The following MITF variants were observed in gnomAD, a reference collection of about 807,000 sequenced individuals.
MITF encodes the protein microphthalmia-associated transcription factor.
MITF carries 17 observed loss-of-function variants against 60.5 expected under a neutral mutation model. The ratio of observed to expected loss-of-function variants is 0.28; its 90% confidence interval spans 0.19 to 0.42. The LOEUF (loss-of-function observed/expected upper bound fraction) is 0.42, where lower values mean the gene tolerates loss of function less well. Ranked by LOEUF, MITF falls within the 10% of genes least tolerant of loss-of-function variation. MITF has a pLI of 1.00. For missense variants in MITF, 622 were observed against 683.5 expected, an observed-to-expected ratio of 0.91 and a Z score of 1.00; for synonymous variants, 260 against 248.5, an observed-to-expected ratio of 1.05 and a Z score of -0.43.
In MITF at chr3:69,807,847, A is replaced by T. The variant is rs555253490; in HGVS notation, c.104+68146A>T. ...GCATAGTTGGTAACTAAGCTTCGTG[A>T]TTGCAAATGCCAGAGACTGTTAAGA... On this transcript the variant is annotated intron_variant, in intron 1 of 9. Coordinates refer to ENST00000352241, the MANE Select transcript of MITF (RefSeq NM_001354604.2). Among the ~76,000 whole-genome samples, 15 of 152,222 alleles carry T rather than the reference A, an allele frequency of 9.9e-5. No homozygotes were observed. In the South Asian group the frequency reaches 2.5e-3, roughly 25 times the overall value.
chr3:69,857,116 T>C (rs62253177), intron 1 of MITF, among the ~76,000 whole-genome samples: 21,563 of 152,070 alleles, frequency 0.14, 1,693 homozygotes, highest in Non-Finnish European at 0.18. Flanking sequence ...TAAACAGACA[T>C]GGTTCATGCC....
chr3:69,742,233 A>T (rs1703551839), intron 1 of MITF, among the ~76,000 whole-genome samples: 1 of 152,084 alleles, frequency 6.6e-6, no homozygotes, highest in South Asian at 2.1e-4. Flanking sequence ...CAGTGTCTGG[A>T]GACATTTGTG....
At chr3:69,950,601 A>C (rs932204117) in intron 6 of MITF, among the ~76,000 whole-genome samples, 112 of 145,478 alleles carry the variant, frequency 7.7e-4, no homozygotes, top group African/African-American at 2.8e-3. Flanking sequence ...CATATATAAC[A>C]CCCATATAAT....
chr3:69,808,166 T>A (rs7650137), intron 1 of MITF, among the ~76,000 whole-genome samples: 1 of 148,682 alleles, frequency 6.7e-6, no homozygotes, highest in South Asian at 2.1e-4. Context: ...TAGAGTGTTC[T>A]GTTACAAGAT....
At chr3:69,910,466 G>C (rs1442051247) in intron 2 of MITF, among the ~76,000 whole-genome samples, 1 of 152,106 alleles carries the variant, frequency 6.6e-6, no homozygotes, top group Non-Finnish European at 1.5e-5. Context: ...ACCCCAGAAT[G>C]GTAGATCCAC....
intron 1 of MITF, among the ~76,000 whole-genome samples, chr3:69,813,947 ATAT>A (rs1385455598): frequency 3.3e-5 from 5 of 152,146 alleles, no homozygotes; most frequent in African/African-American, 1.2e-4. Flanking sequence ...TCCCTGGAAG[ATAT>A]TAGATGCCTA....
intron 1 of MITF, among the ~76,000 whole-genome samples, chr3:69,789,803 TGGAGATC>T (rs2062710024): frequency 6.6e-6 from 1 of 152,050 alleles, no homozygotes. Flanking sequence ...CTGCAATGAA[TGGAGATC>T]GCACCACTGC....
chr3:69,739,503 G>A lies in MITF; in HGVS notation c.-95G>A. On this transcript the variant is annotated 5_prime_UTR_variant, in exon 1 of 10. Transcript: ENST00000352241. ...GGGCAGAGCTCGGCACTGCGCCGGG[G>A]CGCACGGCTCGGGGGACCCAGGCCC... is the stretch of plus-strand genomic sequence containing the variant. 8.5e-7 allele frequency: 1 copy of A among 1,182,822 alleles called. No homozygotes were observed. Among genetic ancestry groups the A allele is most frequent in the Non-Finnish European group, 1.2e-6 (1 of 814,644 alleles). The allele number at this position is 1,182,822 out of a possible 1,614,324, so 73.3% of individuals were successfully genotyped here.
intron 2 of MITF, among the ~76,000 whole-genome samples, chr3:69,893,454 G>C (rs969459113): frequency 6.6e-6 from 1 of 152,030 alleles, no homozygotes; most frequent in Non-Finnish European, 1.5e-5. Flanking sequence ...AGATAATAAA[G>C]GTCCCTAGCT....
chr3:69,835,174 C>T lies in MITF; in HGVS notation c.105-43960C>T, dbSNP rs370417669. 1.2e-4 allele frequency among the ~76,000 whole-genome samples: 18 copies of T among 152,030 alleles called. 1 individual carries two copies. The highest frequency in any genetic ancestry group is 2.2e-4 in the African/African-American group (9 of 41,460). On this transcript the variant is annotated intron_variant, in intron 1 of 9. Transcript: ENST00000352241. ...CTGGGACTATAGGAGCATGCCACCACGCCTGGCTGATTTTTGTAGTTTTTG... is the reference window on the plus strand; with the variant it reads ...CTGGGACTATAGGAGCATGCCACCATGCCTGGCTGATTTTTGTAGTTTTTG...
Position 69,967,227 on chromosome 3 carries a change from T to G in MITF, c.*1979T>G, listed in dbSNP as rs1576075722. 1.3e-5 allele frequency: 3 copies of G among 232,274 alleles called. No individual in the cohort carries two copies. In the East Asian group the frequency reaches 1.8e-4, roughly 14 times the overall value. 14.4% of individuals were successfully genotyped at this position (232,274 alleles called of 1,614,324 possible). On this transcript the variant is annotated 3_prime_UTR_variant, in exon 10 of 10. Coordinates refer to ENST00000352241, the MANE Select transcript of MITF (RefSeq NM_001354604.2). ...GGAAACATTGGTGATGCTATCAGTT[T>G]TATAGCTTTATTTCTTAAGGGGGTA...
chr3:69,926,992 A>G (rs2065606467), intron 2 of MITF, among the ~76,000 whole-genome samples: 1 of 152,166 alleles, frequency 6.6e-6, no homozygotes, highest in Non-Finnish European at 1.5e-5. Context: ...ATTCTCATGG[A>G]ATGTCTAGCT....
At chr3:69,837,783 A>G (rs1031634895) in intron 1 of MITF, among the ~76,000 whole-genome samples, 1 of 152,168 alleles carries the variant, frequency 6.6e-6, no homozygotes, top group Non-Finnish European at 1.5e-5. Flanking sequence ...CCCGGCAGAA[A>G]TATTAATGTA....
intron 7 of MITF, among the ~76,000 whole-genome samples, chr3:69,953,094 T>G (rs542755149): frequency 8.5e-5 from 13 of 152,234 alleles, no homozygotes; most frequent in Admixed American, 5.2e-4. Flanking sequence ...GGTTTTTACT[T>G]TAAAAGCTAC....
At chr3:69,804,028 C>CT (rs1301071196) in intron 1 of MITF, among the ~76,000 whole-genome samples, 1 of 152,140 alleles carries the variant, frequency 6.6e-6, no homozygotes, top group African/African-American at 2.4e-5. Flanking sequence ...TATGGAAGAA[C>CT]TTGCGGTTGA....
At chr3:69,921,336 C>CA (rs2065463639) in intron 2 of MITF, among the ~76,000 whole-genome samples, 1 of 152,206 alleles carries the variant, frequency 6.6e-6, no homozygotes, top group Admixed American at 6.5e-5. Flanking sequence ...TTTTAAGTGA[C>CA]ACTCTCAGAT....
At chr3:69,943,433 A>T (rs2066017558) in intron 5 of MITF, among the ~76,000 whole-genome samples, 1 of 152,118 alleles carries the variant, frequency 6.6e-6, no homozygotes, top group African/African-American at 2.4e-5. Context: ...CCATCTGTAA[A>T]ATGGGGCTGT....
intron 2 of MITF, among the ~76,000 whole-genome samples, chr3:69,926,673 G>C (rs994112609): frequency 1.3e-5 from 2 of 152,106 alleles, no homozygotes; most frequent in East Asian, 1.9e-4. Context: ...TGGTGGGGGG[G>C]ATCTGGACGG....
Position 69,879,237 on chromosome 3 carries a change from G to C in MITF, c.208G>C (p.Glu70Gln), listed in dbSNP as rs1458077428. ...RQQLMREQMQ[E>Q]QERREQQQKL... is the part of the protein sequence containing the mutation. ...GCAACTCATGCGTGAGCAGATGCAGGAGCAGGAGCGCAGGGAGCAGCAGCA... is the reference window on the plus strand; with the variant it reads ...GCAACTCATGCGTGAGCAGATGCAGCAGCAGGAGCGCAGGGAGCAGCAGCA... The change falls in exon 2 of 10, where the codon GAG becomes CAG. Residue 70 changes from glutamate (E) to glutamine (Q), a missense_variant. By Grantham distance (29) the Glu-to-Gln change is conservative (BLOSUM62 2). This residue lies in a region of MITF where 149 missense variants were observed against 157.8 expected (regional missense o/e 0.94). Transcript: ENST00000352241. 2 of 1,614,220 alleles carry C rather than the reference G, an allele frequency of 1.2e-6. No individual in the cohort carries two copies. The highest frequency in any genetic ancestry group is 3.3e-5 in the Admixed American group (2 of 60,028).
Sources: gnomAD v4.1 joint callset for allele counts (sites outside exome capture counted in the v4.1 genomes callset) on GRCh38, gnomAD v4.1.1 for gene constraint, gnomAD v4.1.1 regional missense constraint, MANE v1.5 for transcripts, NCBI Gene and HGNC (gene_info 2026-07-23, HGNC 2026-07-21) for gene names.